Variants in ARHGAP32 observed in about 807,000 individuals in gnomAD.
ARHGAP32 encodes rho GTPase-activating protein 32.
Under a neutral mutation model 186.5 loss-of-function variants are expected in ARHGAP32, and 51 were observed. The ratio of observed to expected loss-of-function variants is 0.27; its 90% CI spans 0.22 to 0.35. The LOEUF (loss-of-function observed/expected upper bound fraction) is 0.35. ARHGAP32 is among the 10% of genes least tolerant of loss of function. The probability of loss-of-function intolerance (pLI) is 1.00; values close to 1 mark genes in which losing one functional copy is unlikely to be tolerated. For missense variants in ARHGAP32, 2,186 were observed against 2,623.5 expected (o/e 0.83, Z 3.64); for synonymous variants, 950 against 964.3 (o/e 0.99, Z 0.27).
chr11:129,149,932 T>C (rs979951174), intron 2 of ARHGAP32, among the ~76,000 whole-genome samples: 9 of 151,364 alleles, frequency 5.9e-5, no homozygotes, highest in African/African-American at 1.9e-4. Context: ...TCCAGAGAAA[T>C]AGGTATCATA....
intron 6 of ARHGAP32, among the ~76,000 whole-genome samples, chr11:129,072,510 G>A (rs666045): frequency 0.63 from 95,479 of 152,022 alleles, 30,443 homozygotes; most frequent in Middle Eastern, 0.7. Context: ...ATCTTTCTTA[G>A]ATCTGTTACA....
intron 6 of ARHGAP32, among the ~76,000 whole-genome samples, chr11:129,086,839 GACAC>G (rs1199563916): frequency 7.4e-6 from 1 of 134,676 alleles, no homozygotes; most frequent in Non-Finnish European, 1.6e-5. Context: ...AAAAAAAAAA[GACAC>G]ACTGATAAAG....
At chr11:129,121,250 C>A (rs145113507) in intron 5 of ARHGAP32, among the ~76,000 whole-genome samples, 2 of 151,722 alleles carry the variant, frequency 1.3e-5, no homozygotes, top group African/African-American at 4.8e-5. Context: ...AAAGAGAGAA[C>A]AGCAACCCAA....
chr11:128,978,932 A>T lies in ARHGAP32; in HGVS notation c.1977-17T>A, dbSNP rs772507398. 1 of 1,594,686 alleles carries T rather than the reference A, an allele frequency of 6.3e-7. No individual in the cohort carries two copies. The highest frequency in any genetic ancestry group is 1.1e-5 in the South Asian group (1 of 87,752). The stretch of plus-strand genomic sequence containing the variant: ...GGCCTCTTTCTATGAAAGAGAAAAA[A>T]TAATCAACATTAAGATAGCCATGGG... On this transcript the variant is annotated splice_polypyrimidine_tract_variant and intron_variant, in intron 18 of 22. Transcript: ENST00000682385.
chr11:129,274,096 T>G (rs1393083367), intron 1 of ARHGAP32, among the ~76,000 whole-genome samples: 1 of 152,152 alleles, frequency 6.6e-6, no homozygotes, highest in Non-Finnish European at 1.5e-5. Flanking sequence ...GTTTTTCTCA[T>G]GAGAAATTAA....
At chr11:129,204,552 G>A (rs907469401) in intron 1 of ARHGAP32, among the ~76,000 whole-genome samples, 22 of 152,258 alleles carry the variant, frequency 1.4e-4, no homozygotes, top group Non-Finnish European at 2.4e-4. Context: ...TCAATCTGCC[G>A]TTTACTTACT....
At chr11:129,011,040 G>C (rs2134825018) in intron 11 of ARHGAP32, among the ~76,000 whole-genome samples, 1 of 152,280 alleles carries the variant, frequency 6.6e-6, no homozygotes. Context: ...ACTGCTCTAA[G>C]TCATGAGATT....
At chr11:129,174,198 C>T (rs189448865) in intron 1 of ARHGAP32, among the ~76,000 whole-genome samples, 118 of 152,292 alleles carry the variant, frequency 7.7e-4, no homozygotes, top group Admixed American at 7.1e-3. Flanking sequence ...CCTGGAAAAT[C>T]GGTTCACTCC....
intron 11 of ARHGAP32, among the ~76,000 whole-genome samples, chr11:129,032,871 T>C (rs1472081204): frequency 6.6e-6 from 1 of 152,208 alleles, no homozygotes; most frequent in Non-Finnish European, 1.5e-5. Context: ...AATTCCCACC[T>C]GGATCAACAG....
chr11:129,040,123 G>GT (rs199720926), intron 11 of ARHGAP32, among the ~76,000 whole-genome samples: 18,798 of 149,146 alleles, frequency 0.13, 1,278 homozygotes, highest in Non-Finnish European at 0.15. Context: ...AAGAATAACT[G>GT]TTTTTTTTTT....
At chr11:129,230,708 A>T (rs938406974) in intron 1 of ARHGAP32, among the ~76,000 whole-genome samples, 3 of 152,200 alleles carry the variant, frequency 2.0e-5, no homozygotes, top group African/African-American at 7.2e-5. Context: ...ACTTTTTAAA[A>T]TATCTTTGAG....
chr11:129,193,575 T>TATTATATATAATATATA (rs1944321360), upstream of ARHGAP32, among the ~76,000 whole-genome samples: 1 of 54,036 alleles, frequency 1.9e-5, no homozygotes, highest in Non-Finnish European at 3.3e-5. Context: ...ATATAATATA[T>TATTATATATAATATATA]ATATATTATA....
intron 1 of ARHGAP32, among the ~76,000 whole-genome samples, chr11:129,248,744 T>G (rs897039219): frequency 6.6e-6 from 1 of 152,206 alleles, no homozygotes; most frequent in Admixed American, 6.5e-5. Context: ...TCTCCTCCTT[T>G]TCCTGTACAC....
intron 1 of ARHGAP32, among the ~76,000 whole-genome samples, chr11:129,241,103 G>A (rs1945011297): frequency 1.3e-5 from 2 of 151,932 alleles, no homozygotes; most frequent in African/African-American, 4.8e-5. Flanking sequence ...TGGGGATCTT[G>A]GTACCTATGA....
At chr11:129,041,791 A>C (rs1188127766) in intron 10 of ARHGAP32, among the ~76,000 whole-genome samples, 3 of 152,242 alleles carry the variant, frequency 2.0e-5, no homozygotes, top group African/African-American at 7.2e-5. Context: ...TACCGAGATA[A>C]ACAGCCTGGA....
At chr11:129,198,324 C>G (rs984069302) in intron 1 of ARHGAP32, among the ~76,000 whole-genome samples, 5 of 152,152 alleles carry the variant, frequency 3.3e-5, no homozygotes, top group Non-Finnish European at 7.3e-5. Flanking sequence ...ACTCAAATAT[C>G]AACTATGTCA....
intron 11 of ARHGAP32, among the ~76,000 whole-genome samples, chr11:129,019,452 C>T (rs899240907): frequency 2.0e-5 from 3 of 152,110 alleles, no homozygotes; most frequent in Non-Finnish European, 2.9e-5. Flanking sequence ...CTCTAATCAT[C>T]CGAATTACCT....
chr11:129,084,120 G>T (rs558550343), intron 6 of ARHGAP32, among the ~76,000 whole-genome samples: 1 of 152,070 alleles, frequency 6.6e-6, no homozygotes, highest in South Asian at 2.1e-4. Flanking sequence ...AGAAGAAAAA[G>T]ATATAGGCCT....
At chr11:129,148,252 A>G (rs1762486888) in intron 2 of ARHGAP32, among the ~76,000 whole-genome samples, 1 of 152,236 alleles carries the variant, frequency 6.6e-6, no homozygotes, top group African/African-American at 2.4e-5. Flanking sequence ...GCAGCATGCC[A>G]CTGCAAATTG....
Sources: gnomAD v4.1 joint callset for allele counts (sites outside exome capture counted in the v4.1 genomes callset) on GRCh38, gnomAD v4.1.1 for gene constraint, MANE v1.5 for transcripts, NCBI Gene and HGNC (gene_info 2026-07-23, HGNC 2026-07-21) for gene names.